The following METTL16 variants were observed in gnomAD, a reference collection of about 807,000 sequenced individuals.
METTL16 encodes the protein methyltransferase 16, RNA N6-adenosine.
A neutral mutation model predicts 57.9 loss-of-function variants in METTL16; 19 were observed. The observed-to-expected ratio is 0.33, with a 90% CI of 0.23 to 0.48. The LOEUF (loss-of-function observed/expected upper bound fraction) is 0.48. Ranked by LOEUF, METTL16 falls within the 20% of genes least tolerant of loss-of-function variation. The probability of loss-of-function intolerance (pLI) is 0.99; values close to 1 mark genes in which losing one functional copy is unlikely to be tolerated. For synonymous variants in METTL16, 246 were observed against 255.6 expected (o/e 0.96, Z 0.36); for missense variants, 434 against 691.5 (o/e 0.63, Z 4.18).
chr17:2,471,884 C>G (rs538448946), intron 4 of METTL16, among the ~76,000 whole-genome samples: 4 of 152,118 alleles, frequency 2.6e-5, no homozygotes, highest in Non-Finnish European at 4.4e-5. Context: ...GAGGTCCAGA[C>G]AAGAGAATCA....
At chr17:2,453,347 C>T (rs1350267356) in intron 6 of METTL16, among the ~76,000 whole-genome samples, 2 of 152,204 alleles carry the variant, frequency 1.3e-5, no homozygotes, top group Non-Finnish European at 2.9e-5. Context: ...TCTTTAGCCT[C>T]CTTCAATCTG....
At chr17:2,458,759 T>C (rs1011003815) in intron 6 of METTL16, among the ~76,000 whole-genome samples, 2 of 151,914 alleles carry the variant, frequency 1.3e-5, no homozygotes, top group African/African-American at 2.4e-5. Flanking sequence ...CATGAGGAGT[T>C]TGATAAAGTC....
At chr17:2,504,751 T>C (rs2067517535) in intron 1 of METTL16, among the ~76,000 whole-genome samples, 1 of 152,120 alleles carries the variant, frequency 6.6e-6, no homozygotes, top group Non-Finnish European at 1.5e-5. Flanking sequence ...ATTTTATTTT[T>C]TGTAGAGACA....
At chr17:2,480,611 T>C (rs1042857958) in intron 2 of METTL16, among the ~76,000 whole-genome samples, 1 of 152,274 alleles carries the variant, frequency 6.6e-6, no homozygotes, top group Admixed American at 6.5e-5. Context: ...AAGTACAAGA[T>C]AAACCCGAAG....
chr17:2,422,664 C>A (rs1364425177), intron 8 of METTL16, among the ~76,000 whole-genome samples: 1 of 151,548 alleles, frequency 6.6e-6, no homozygotes, highest in Non-Finnish European at 1.5e-5. Flanking sequence ...GCCACCGTGT[C>A]CAGCCTGAGA....
intron 8 of METTL16, among the ~76,000 whole-genome samples, chr17:2,422,840 C>T (rs879931139): frequency 7.0e-3 from 4 of 570 alleles, no homozygotes; most frequent in African/African-American, 0.02. Flanking sequence ...AAAAATTAGC[C>T]GGGTGTGGTG....
At chr17:2,509,273 C>A (rs942214575) in intron 1 of METTL16, among the ~76,000 whole-genome samples, 1 of 152,164 alleles carries the variant, frequency 6.6e-6, no homozygotes, top group Non-Finnish European at 1.5e-5. Flanking sequence ...TTAGTAGTCA[C>A]CTGAAAGTTT....
chr17:2,467,403 A>G (rs970462811), intron 5 of METTL16, among the ~76,000 whole-genome samples: 1 of 152,136 alleles, frequency 6.6e-6, no homozygotes, highest in African/African-American at 2.4e-5. Flanking sequence ...CTTTGCTCTT[A>G]TCTGTGCAAA....
chr17:2,455,368 T>C (rs1337337388), intron 6 of METTL16, among the ~76,000 whole-genome samples: 1 of 152,186 alleles, frequency 6.6e-6, no homozygotes, highest in Admixed American at 6.5e-5. Flanking sequence ...ATTACAGGCG[T>C]GAGCCACCGT....
Position 2,466,602 on chromosome 17 carries a change from A to C in METTL16, c.585+1159T>G, listed in dbSNP as rs558304413. Among the ~76,000 whole-genome samples the C allele has an allele frequency of 9.8e-5, 15 of 152,340 alleles. No individual in the cohort carries two copies. In the South Asian group the frequency reaches 2.9e-3, roughly 29 times the overall value. On this transcript the variant is annotated intron_variant, in intron 5 of 9. Coordinates refer to ENST00000263092, the MANE Select transcript of METTL16 (RefSeq NM_024086.4). ...TCGGTATCTGAGGAAGATCTGCCTT[A>C]GATACCAAAATCCAAGGAAGCTCAA...
At chr17:2,443,050 C>T (rs1009889490) in intron 6 of METTL16, among the ~76,000 whole-genome samples, 33 of 151,932 alleles carry the variant, frequency 2.2e-4, no homozygotes, top group African/African-American at 8.0e-4. Context: ...AGTGCAGTGG[C>T]GTGATCTCCA....
At chr17:2,471,662 G>A (rs2067236323) in intron 4 of METTL16, among the ~76,000 whole-genome samples, 3 of 152,146 alleles carry the variant, frequency 2.0e-5, no homozygotes, top group Non-Finnish European at 2.9e-5. Context: ...GGTGGCGGGC[G>A]CCTGTAGTCC....
At chr17:2,465,304 G>A (rs961846084) in intron 5 of METTL16, among the ~76,000 whole-genome samples, 5 of 151,860 alleles carry the variant, frequency 3.3e-5, no homozygotes, top group Non-Finnish European at 5.9e-5. Context: ...AGCACTTTAG[G>A]AGGCCGAGGC....
chr17:2,506,102 A>C (rs112607925), intron 1 of METTL16, among the ~76,000 whole-genome samples: 3,195 of 151,304 alleles, frequency 0.021, 56 homozygotes, highest in African/African-American at 0.047. Context: ...TATGCAGGTT[A>C]TTCTTTTTAT....
intron 3 of METTL16, among the ~76,000 whole-genome samples, chr17:2,474,386 G>GAAAAAAAAAAAAAA (rs752477163): frequency 3.3e-3 from 195 of 59,638 alleles, no homozygotes; most frequent in East Asian, 6.0e-3. Flanking sequence ...GAAACAAAAA[G>GAAAAAAAAAAAAAA]AAAAAAAAAA....
chr17:2,447,308 C>CA (rs2067007528), intron 6 of METTL16, among the ~76,000 whole-genome samples: 1 of 144,104 alleles, frequency 6.9e-6, no homozygotes, highest in African/African-American at 2.8e-5. Flanking sequence ...TCTGCCCGGC[C>CA]GCCCCGTCTG....
At chr17:2,452,633 T>A (rs181607196) in intron 6 of METTL16, among the ~76,000 whole-genome samples, 1 of 152,164 alleles carries the variant, frequency 6.6e-6, no homozygotes, top group African/African-American at 2.4e-5. Flanking sequence ...TCAAGAAAAA[T>A]TATTTTGAAA....
At chr17:2,428,699 C>T (rs1397881703) in intron 8 of METTL16, among the ~76,000 whole-genome samples, 18 of 146,296 alleles carry the variant, frequency 1.2e-4, no homozygotes, top group African/African-American at 4.3e-4. Context: ...GAGTTCGAGA[C>T]CAGCATGGGC....
chr17:2,499,129 T>C (rs1197943822), intron 2 of METTL16, among the ~76,000 whole-genome samples: 2 of 151,552 alleles, frequency 1.3e-5, no homozygotes, highest in Non-Finnish European at 2.9e-5. Flanking sequence ...TCTCCCATAC[T>C]AAAAGGTTAA....
Sources: gnomAD v4.1 joint callset for allele counts (sites outside exome capture counted in the v4.1 genomes callset) on GRCh38, gnomAD v4.1.1 for gene constraint, MANE v1.5 for transcripts, NCBI Gene and HGNC (gene_info 2026-07-23, HGNC 2026-07-21) for gene names.